ZNF554: variants seen among roughly 807,000 people sequenced by gnomAD.
ZNF554 encodes the protein zinc finger protein 554.
ZNF554 carries 15 observed loss-of-function variants against 21.2 expected under a neutral mutation model. That is an observed-to-expected ratio of 0.71 (90% CI 0.47 to 1.09). ZNF554 has a LOEUF of 1.09. Ranked by LOEUF, ZNF554 falls within the 50% of genes least tolerant of loss-of-function variation. The pLI is 0.00. For missense variants in ZNF554, 691 were observed against 662.7 expected, an observed-to-expected ratio of 1.04 and a Z score of -0.47; for synonymous variants, 258 against 251.4, an observed-to-expected ratio of 1.03 and a Z score of -0.25.
chr19:2,833,936 T>C lies in ZNF554; in HGVS notation c.701T>C (p.Leu234Ser), dbSNP rs145429090. The change falls in exon 5 of 5, where the codon TTA becomes TCA. Residue 234 changes from leucine to serine, a missense_variant. Transcript: ENST00000317243. Reference protein sequence around the residue: ...ENGNLSPALVLSQGSSKGNHL... With the variant: ...ENGNLSPALVSSQGSSKGNHL... ...GGTAATCTGAGCCCAGCCCTTGTTT[T>C]ATCACAGGGAAGCTCTAAAGGGAAC... The C allele has an allele frequency of 3.1e-6, 5 of 1,614,108 alleles. No homozygotes were observed. The highest frequency in any genetic ancestry group is 1.6e-4 in the Middle Eastern group (1 of 6,062).
chr19:2,834,545 A>G lies in ZNF554; in HGVS notation c.1310A>G (p.Glu437Gly), dbSNP rs1293864459. Residue 437 changes from glutamate to glycine, a missense_variant, in exon 5 of 5, where the codon GAA becomes GGA. By Grantham distance (98) the Glu-to-Gly change is moderately conservative (BLOSUM62 -2). Coordinates refer to ENST00000317243, the MANE Select transcript of ZNF554 (RefSeq NM_001102651.2). Reference protein sequence around the residue: ...KRTHTGEKPYECSECGKAFSD... With the variant: ...KRTHTGEKPYGCSECGKAFSD... ...ACACACACCGGAGAGAAGCCCTACG[A>G]ATGCAGTGAATGTGGAAAGGCCTTC... 5.0e-6 allele frequency: 8 copies of G among 1,614,100 alleles called. No individual in the cohort carries two copies. The highest frequency in any genetic ancestry group is 6.8e-6 in the Non-Finnish European group (8 of 1,180,022).
rs1568332468 is a variant in ZNF554, at chr19:2,825,000, G to GTTT, written c.126+1890_126+1891insTTT. Among the ~76,000 whole-genome samples the GTTT allele has an allele frequency of 2.6e-5, 3 of 114,912 alleles. 1 individual carries two copies. The allele number at this position is 114,912 out of a possible 152,430, so 75.4% of individuals were successfully genotyped here. On this transcript the variant is annotated intron_variant, in intron 2 of 4. Coordinates refer to ENST00000317243, the MANE Select transcript of ZNF554 (RefSeq NM_001102651.2). ...TCTCACTGAGCATAACGTGATTGCAGTTGTTTTTTTTTTTTTTTTTTTTTT... is the reference window on the plus strand; with the variant it reads ...TCTCACTGAGCATAACGTGATTGCAGTTTTTGTTTTTTTTTTTTTTTTTTTTTT...
In ZNF554 at chr19:2,824,556, T is replaced by C. The variant is rs555827232; in HGVS notation, c.126+1444T>C. Among the ~76,000 whole-genome samples the C allele has an allele frequency of 2.7e-5, 4 of 150,138 alleles. No individual in the cohort carries two copies. In the South Asian group the frequency reaches 8.4e-4, roughly 32 times the overall value. On this transcript the variant is annotated intron_variant, in intron 2 of 4. Transcript: ENST00000317243. ...TTACCTGAAAGAATATTTCTGTAAC[T>C]GTGATAAAACACACATGAAATACAT... is the stretch of plus-strand genomic sequence containing the variant.
chr19:2,835,044 G>C lies in ZNF554; in HGVS notation c.*192G>C. The C allele has an allele frequency of 1.7e-6, 1 of 582,726 alleles. No homozygotes were observed. Among genetic ancestry groups the C allele is most frequent in the African/African-American group, 1.9e-5 (1 of 53,742 alleles). 36.1% of individuals were successfully genotyped at this position (582,726 alleles called of 1,614,324 possible). ...TGTTGAGATGGAGTCTGCCACCCAG[G>C]CTGGAGTCCAGTGGCGTGATCATAC... On this transcript the variant is annotated 3_prime_UTR_variant, in exon 5 of 5. Transcript: ENST00000317243.
At position 2,821,419 on chromosome 19, in the gene ZNF554, C is replaced by T. The variant is rs2087262204; in HGVS notation, c.53+1295C>T. Reference sequence around the variant, plus strand: ...TCCTGGAGCTGCTGTGACAATGCACCACAAACCAGGGGGCAGGGGGAGGCT... The same window carrying T: ...TCCTGGAGCTGCTGTGACAATGCACTACAAACCAGGGGGCAGGGGGAGGCT... On this transcript the variant is annotated intron_variant, in intron 1 of 4. Transcript: ENST00000317243. The surrounding 1 kb of genome is among the most constrained non-coding windows in gnomAD (Gnocchi z 8.2). 6.6e-6 allele frequency among the ~76,000 whole-genome samples: 1 copy of T among 151,916 alleles called. No homozygotes were observed. Among genetic ancestry groups the T allele is most frequent in the Non-Finnish European group, 1.5e-5 (1 of 68,028 alleles).
chr19:2,832,010 C>A, intron 3 of ZNF554: 1 of 207,920 alleles, frequency 4.8e-6, no homozygotes, highest in Non-Finnish European at 9.7e-6. Flanking sequence ...ACTGCAACCT[C>A]TGCCTCCTGG....
At chr19:2,824,348 A>T (rs375340774) in intron 2 of ZNF554, among the ~76,000 whole-genome samples, 2 of 152,188 alleles carry the variant, frequency 1.3e-5, no homozygotes, top group African/African-American at 4.8e-5. Flanking sequence ...CCAAGAGCAC[A>T]GGGAGGCTCG....
rs1279733635 is a variant in ZNF554, at chr19:2,834,978, A to T, written c.*126A>T. ...TATGTCACCTTCTCACCTTCTTATA[A>T]GAAAGCTCTGAGAATGGGCATTTTT... On this transcript the variant is annotated 3_prime_UTR_variant, in exon 5 of 5. Transcript: ENST00000317243. 2.0e-5 allele frequency: 18 copies of T among 897,062 alleles called. No homozygotes were observed. Among genetic ancestry groups the T allele is most frequent in the Non-Finnish European group, 1.7e-6 (1 of 604,888 alleles). 55.6% of individuals were successfully genotyped at this position (897,062 alleles called of 1,614,324 possible).
chr19:2,828,828 T>G (rs925359643), intron 3 of ZNF554, among the ~76,000 whole-genome samples: 6 of 151,916 alleles, frequency 3.9e-5, no homozygotes, highest in African/African-American at 1.5e-4. Flanking sequence ...GGGGAAACCT[T>G]ATAAAACCAT....
chr19:2,832,588 G>A, intron 4 of ZNF554, 94 bp downstream of exon 4: 1 of 1,316,388 alleles, frequency 7.6e-7, no homozygotes, highest in Non-Finnish European at 1.0e-6. Flanking sequence ...ATTCTGTAAG[G>A]AGAATGCCAA....
rs1360891018 is a variant in ZNF554 at position 2,834,130 on chromosome 19, T to G, written c.895T>G (p.Leu299Val). The G allele has an allele frequency of 1.9e-6, 3 of 1,613,882 alleles. No homozygotes were observed. The highest frequency in any genetic ancestry group is 2.5e-6 in the Non-Finnish European group (3 of 1,180,030). Reference protein sequence around the residue: ...IQHGGKMFVYLENGQSLNHGM... With the variant: ...IQHGGKMFVYVENGQSLNHGM... ...ACACGGGGGGAAGATGTTTGTGTAT[T>G]TGGAAAATGGGCAGTCATTGAACCA... The change falls in exon 5 of 5, where the codon TTG (leucine) becomes GTG (valine). Residue 299 changes from leucine (L) to valine (V), a missense_variant. Coordinates refer to ENST00000317243, the MANE Select transcript of ZNF554 (RefSeq NM_001102651.2).
chr19:2,819,988 CAGGGACACGCAGG>C lies in ZNF554; in HGVS notation c.-83_-71del. ...GAGGAGCCGAGCGGAGGAGGCGTCCCAGGGACACGCAGGGGAGGCCGGCCGGCCTGCACGGGGC... is the reference window on the plus strand; with the variant it reads ...GAGGAGCCGAGCGGAGGAGGCGTCCCGGAGGCCGGCCGGCCTGCACGGGGC... On this transcript the variant is annotated 5_prime_UTR_variant, in exon 1 of 5. Transcript: ENST00000317243. The C allele has an allele frequency of 9.2e-7, 1 of 1,083,444 alleles. No homozygotes were observed. 67.1% of individuals were successfully genotyped at this position (1,083,444 alleles called of 1,614,324 possible). A position where few individuals can be genotyped will look rare whatever the true frequency, so the allele number is the denominator to read the frequency against.
At position 2,819,918 on chromosome 19, in the gene ZNF554, C is replaced by T; in HGVS notation, c.-154C>T. 2.2e-6 allele frequency: 1 copy of T among 462,404 alleles called. No individual in the cohort carries two copies. The highest frequency in any genetic ancestry group is 3.3e-6 in the Non-Finnish European group (1 of 306,168). The allele number at this position is 462,404 out of a possible 1,614,324, so 28.6% of individuals were successfully genotyped here. On this transcript the variant is annotated 5_prime_UTR_variant, in exon 1 of 5. Coordinates refer to ENST00000317243, the MANE Select transcript of ZNF554 (RefSeq NM_001102651.2). ...TCGGGGTTGGTGGCGGCGGCTGCGG[C>T]GAGTTCCTGAGGGGCGCCTGCGGGG...
Position 2,821,391 on chromosome 19 carries a change from G to GC in ZNF554, c.53+1269dup, listed in dbSNP as rs2087261917. On this transcript the variant is annotated intron_variant, in intron 1 of 4. Transcript: ENST00000317243. The surrounding 1 kb of genome is among the most constrained non-coding windows in gnomAD (Gnocchi z 8.2). The stretch of plus-strand genomic sequence containing the variant: ...CCCGGCGCCTTTGGTTCTTACATGA[G>GC]CCTCCTGGAGCTGCTGTGACAATGC... Among the ~76,000 whole-genome samples the GC allele has an allele frequency of 6.6e-6, 1 of 151,944 alleles. No individual in the cohort carries two copies. The highest frequency in any genetic ancestry group is 1.5e-5 in the Non-Finnish European group (1 of 68,030).
intron 2 of ZNF554, among the ~76,000 whole-genome samples, chr19:2,824,570 C>G (rs1280998823): frequency 6.6e-6 from 1 of 152,216 alleles, no homozygotes; most frequent in Non-Finnish European, 1.5e-5. Flanking sequence ...ATAAAACACA[C>G]ATGAAATACA....
At position 2,819,939 on chromosome 19, in the gene ZNF554, CG is replaced by C. The variant is rs908665859; in HGVS notation, c.-127del. ...GCGGCGAGTTCCTGAGGGGCGCCTG[CG>C]GGGGGCGTCCGCTCCGAGCGCCGAG... On this transcript the variant is annotated 5_prime_UTR_variant, in exon 1 of 5. Coordinates refer to ENST00000317243, the MANE Select transcript of ZNF554 (RefSeq NM_001102651.2). 9.3e-6 allele frequency: 6 copies of C among 642,278 alleles called. No individual in the cohort carries two copies. Among genetic ancestry groups the C allele is most frequent in the Non-Finnish European group, 1.1e-5 (5 of 469,554 alleles). The allele number at this position is 642,278 out of a possible 1,614,324, so 39.8% of individuals were successfully genotyped here. A position where few individuals can be genotyped will look rare whatever the true frequency, so the allele number is the denominator to read the frequency against.
chr19:2,824,537 G>C (rs1364220543), intron 2 of ZNF554, among the ~76,000 whole-genome samples: 2 of 152,198 alleles, frequency 1.3e-5, no homozygotes, highest in Non-Finnish European at 2.9e-5. Flanking sequence ...CTCTTTACCT[G>C]AAAGAATATT....
intron 2 of ZNF554, among the ~76,000 whole-genome samples, chr19:2,825,419 C>T (rs983293850): frequency 2.0e-5 from 3 of 152,184 alleles, no homozygotes; most frequent in African/African-American, 4.8e-5. Context: ...TCAAGCGATT[C>T]TCCTGCCTCA....
At chr19:2,823,340 C>G (rs2087288071) in intron 2 of ZNF554, among the ~76,000 whole-genome samples, 4 of 152,084 alleles carry the variant, frequency 2.6e-5, no homozygotes, top group Non-Finnish European at 2.9e-5. Flanking sequence ...TTACGGGATC[C>G]CTGGGGTGTC....
Sources: allele counts gnomAD v4.1 joint callset (sites outside exome capture counted in the v4.1 genomes callset), GRCh38; gene constraint gnomAD v4.1.1; non-coding constraint Gnocchi (gnomAD v3.1); transcripts MANE v1.5; gene names NCBI Gene and HGNC (gene_info 2026-07-23, HGNC 2026-07-21).